CPLANE1: variants seen among roughly 807,000 people sequenced by gnomAD.
CPLANE1 encodes ciliogenesis and planar polarity effector 1.
In CPLANE1, 263 loss-of-function variants were observed where a neutral mutation model predicts 362.5. The ratio of observed to expected loss-of-function variants is 0.73; its 90% CI spans 0.66 to 0.80. The LOEUF is 0.80. Among genes scored for constraint, CPLANE1 ranks in the 30% least tolerant of loss-of-function variants. The pLI is 0.00. For synonymous variants in CPLANE1, 1,212 were observed against 1,302.6 expected, an observed-to-expected ratio of 0.93 and a Z score of 1.50; for missense variants, 3,461 against 3,793.4, an observed-to-expected ratio of 0.91 and a Z score of 2.30.
intron 18 of CPLANE1, 63 bp from the exon 19 acceptor site, chr5:37,201,871 T>C (rs1157841801): frequency 1.7e-6 from 2 of 1,182,536 alleles, no homozygotes; most frequent in Non-Finnish European, 1.2e-6. Flanking sequence ...ATCCATTTTG[T>C]AGGAAAAAAT....
intron 52 of CPLANE1, among the ~76,000 whole-genome samples, chr5:37,108,013 G>A (rs546152123): frequency 2.1e-4 from 32 of 152,224 alleles, no homozygotes; most frequent in Non-Finnish European, 1.2e-4. Context: ...GTGAAGACAG[G>A]GCAGAACGGA....
At chr5:37,165,090 A>G (rs1464520246) in intron 36 of CPLANE1, among the ~76,000 whole-genome samples, 1 of 152,234 alleles carries the variant, frequency 6.6e-6, no homozygotes, top group Non-Finnish European at 1.5e-5. Context: ...TGTGCAACAG[A>G]GCAAGGCCCT....
chr5:37,089,367 T>C, the CPLANE1 span, among the ~76,000 whole-genome samples: 1 of 152,180 alleles, frequency 6.6e-6, no homozygotes, highest in Admixed American at 6.5e-5. Flanking sequence ...GGGGGGTTAC[T>C]CTGCAGACCC....
the CPLANE1 span, among the ~76,000 whole-genome samples, chr5:37,076,503 G>A: frequency 1.3e-5 from 2 of 151,678 alleles, no homozygotes; most frequent in Admixed American, 6.6e-5. Flanking sequence ...GTAGAGACAG[G>A]GTTTCACCAT....
intron 50 of CPLANE1, among the ~76,000 whole-genome samples, chr5:37,118,792 C>T (rs1260964746): frequency 2.6e-5 from 4 of 151,770 alleles, no homozygotes; most frequent in East Asian, 3.9e-4. Context: ...CAGCTCACTG[C>T]AACCTCCGCC....
intron 44 of CPLANE1, chr5:37,141,354 G>A: frequency 1.5e-5 from 15 of 985,396 alleles, no homozygotes; most frequent in Non-Finnish European, 1.8e-5. Flanking sequence ...CCCCAGAGAA[G>A]AGAAGAGAAA....
chr5:37,205,497 A>C (rs779632101), intron 17 of CPLANE1, 43 bp from the exon 18 acceptor site: 23 of 1,399,522 alleles, frequency 1.6e-5, no homozygotes, highest in Non-Finnish European at 1.9e-5. Flanking sequence ...CAAATTTTGA[A>C]AAAAAAGGAA....
At chr5:37,198,638 CA>C in intron 20 of CPLANE1, 63 bp downstream of exon 20, 1 of 1,440,752 alleles carries the variant, frequency 6.9e-7, no homozygotes, top group East Asian at 2.3e-5. Context: ...ATTATAAAAA[CA>C]ATAATATAAA....
chr5:37,239,020 A>G (rs965082262), intron 7 of CPLANE1, 60 bp from the exon 8 acceptor site: 2 of 837,328 alleles, frequency 2.4e-6, no homozygotes, highest in Non-Finnish European at 3.6e-6. Flanking sequence ...ACCATTATTT[A>G]TAATTCTGGT....
chr5:37,210,504 C>T lies in CPLANE1; in HGVS notation c.2920+3055G>A, dbSNP rs61729348. 1.4e-3 allele frequency: 1,857 copies of T among 1,325,284 alleles called. 29 individuals are homozygous for T. The African/African-American group carries it at 0.024, about 17-fold the overall frequency. The allele number at this position is 1,325,284 out of a possible 1,614,324, so 82.1% of individuals were successfully genotyped here. On this transcript the variant is annotated intron_variant, in intron 16 of 52. Coordinates refer to ENST00000651892, the MANE Select transcript of CPLANE1 (RefSeq NM_001384732.1). Reference sequence around the variant, plus strand: ...AAGGAAGAATAAAGAAAAAGCTGTTCATTTGCAAGAGGAGCTCATAGCTTT... The same window carrying T: ...AAGGAAGAATAAAGAAAAAGCTGTTTATTTGCAAGAGGAGCTCATAGCTTT...
intron 47 of CPLANE1, among the ~76,000 whole-genome samples, chr5:37,123,633 C>T (rs1382070061): frequency 1.3e-5 from 2 of 152,188 alleles, no homozygotes; most frequent in African/African-American, 4.8e-5. Flanking sequence ...AAGTGATCTT[C>T]TTACCTTGAG....
chr5:37,112,666 T>C (rs1040824737), intron 51 of CPLANE1, among the ~76,000 whole-genome samples: 2 of 152,204 alleles, frequency 1.3e-5, no homozygotes, highest in Non-Finnish European at 2.9e-5. Context: ...AATCTGAAAC[T>C]GGATGATAAA....
At position 37,106,880 on chromosome 5, in the gene CPLANE1, A is replaced by G. The variant is rs1440442167; in HGVS notation, c.*722T>C. The stretch of plus-strand genomic sequence containing the variant: ...AAAAATTATCTCTTAAAACTATGAC[A>G]TTATTGGAGCACAATACCAAAAACT... On this transcript the variant is annotated 3_prime_UTR_variant, in exon 53 of 53. Coordinates refer to ENST00000651892, the MANE Select transcript of CPLANE1 (RefSeq NM_001384732.1). The G allele has an allele frequency of 2.0e-6, 2 of 985,060 alleles. No homozygotes were observed. Among genetic ancestry groups the G allele is most frequent in the South Asian group, 9.4e-5 (2 of 21,286 alleles). The allele number at this position is 985,060 out of a possible 1,614,324, so 61.0% of individuals were successfully genotyped here. A position where few individuals can be genotyped will look rare whatever the true frequency, so the allele number is the denominator to read the frequency against.
chr5:37,198,975 T>C (rs1788371154), intron 19 of CPLANE1, 109 bp from the exon 20 acceptor site: 1 of 1,011,710 alleles, frequency 9.9e-7, no homozygotes. Flanking sequence ...CTCACGCCTG[T>C]AATCCCAGCA....
At chr5:37,240,306 C>T (rs1213249949) in intron 6 of CPLANE1, among the ~76,000 whole-genome samples, 7 of 151,990 alleles carry the variant, frequency 4.6e-5, no homozygotes, top group South Asian at 4.2e-4. Context: ...GCCAAGATCA[C>T]GCCACTGCAC....
rs1336595684 is a variant in CPLANE1, at chr5:37,169,481, G to A, written c.6543C>T (p.Asn2181=). 6.2e-6 allele frequency: 10 copies of A among 1,613,976 alleles called. No individual in the cohort carries two copies. The Admixed American group carries it at 1.7e-4, about 27-fold the overall frequency. ...CTGGATAAAACGAAGTGGATGGTAA[G>A]TTTTGAGATGATGGAATTGGTCCTT... The part of the protein sequence containing the change: ...RKKGPIPSSQ[N]LPSTSFYPAP... Residue 2181 remains asparagine (N), a synonymous_variant, in exon 34 of 53, where the codon AAC becomes AAT. Transcript: ENST00000651892.
chr5:37,083,234 T>C, the CPLANE1 span, among the ~76,000 whole-genome samples: 1 of 150,818 alleles, frequency 6.6e-6, no homozygotes, highest in South Asian at 2.1e-4. Flanking sequence ...AGGGGGAGAG[T>C]ACTACATCAA....
chr5:37,195,768 A>T, intron 21 of CPLANE1, 90 bp downstream of exon 21: 1 of 1,271,702 alleles, frequency 7.9e-7, no homozygotes, highest in Non-Finnish European at 1.1e-6. Context: ...ATCAGAGCAT[A>T]TTGTACTTTG....
intron 42 of CPLANE1, among the ~76,000 whole-genome samples, chr5:37,149,183 G>A (rs548207406): frequency 3.9e-5 from 6 of 152,002 alleles, no homozygotes; most frequent in Non-Finnish European, 8.8e-5. Flanking sequence ...GTTCCAAGAC[G>A]CCCAGTGGAT....
Sources: gnomAD v4.1 joint callset for allele counts (sites outside exome capture counted in the v4.1 genomes callset) on GRCh38, gnomAD v4.1.1 for gene constraint, MANE v1.5 for transcripts, NCBI Gene and HGNC (gene_info 2026-07-23, HGNC 2026-07-21) for gene names.